RELCH: variants seen among roughly 807,000 people sequenced by gnomAD.
The protein encoded by RELCH is RAB11-binding protein RELCH.
RELCH carries 41 observed loss-of-function variants against 150.3 expected under a neutral mutation model. That is an observed-to-expected ratio of 0.27 (90% CI 0.21 to 0.35). RELCH has a LOEUF of 0.35. RELCH is among the 10% of genes least tolerant of loss of function. The pLI is 1.00. For synonymous variants in RELCH, 478 were observed against 531.8 expected (o/e 0.90, Z 1.39); for missense variants, 1,092 against 1,467.8 (o/e 0.74, Z 4.18).
chr18:62,263,898 G>T, intron 16 of RELCH, 91 bp from the exon 17 acceptor site: 1 of 882,340 alleles, frequency 1.1e-6, no homozygotes, highest in Admixed American at 2.6e-5. Flanking sequence ...TTAAATATGA[G>T]GAGAAAGGAC....
Position 62,280,665 on chromosome 18 carries a change from A to G in RELCH, c.3070A>G (p.Ile1024Val), listed in dbSNP as rs1295674242. 6.2e-7 allele frequency: 1 copy of G among 1,612,012 alleles called. No individual in the cohort carries two copies. Among genetic ancestry groups the G allele is most frequent in the South Asian group, 1.1e-5 (1 of 91,010 alleles). ...TAACAGCTCTGTCAGGATTGCCACA[A>G]TTCCAGCCTTTGGCACTATTATGGA... ...DPEISVRIAT[I>V]PAFGTIMETV... is the part of the protein sequence containing the mutation. Residue 1024 changes from isoleucine to valine, a missense_variant, in exon 24 of 29, where the codon ATT (isoleucine) becomes GTT (valine). By Grantham distance (29) the Ile-to-Val change is conservative (BLOSUM62 3). Coordinates refer to ENST00000644646, the MANE Select transcript of RELCH (RefSeq NM_001346231.2).
Position 62,269,652 on chromosome 18 carries a change from CTT to C in RELCH, c.2760+706_2760+707del, listed in dbSNP as rs138584844. The C allele has an allele frequency of 6.8e-5, 13 of 190,462 alleles. No individual in the cohort carries two copies. In the East Asian group the frequency reaches 1.6e-3, roughly 23 times the overall value. The allele number at this position is 190,462 out of a possible 1,614,324, so 11.8% of individuals were successfully genotyped here. ...TTGGCATCACGATCATCATTCCTGACTTTGCATTTATATGCTACCAATAAGCA... is the reference window on the plus strand; with the variant it reads ...TTGGCATCACGATCATCATTCCTGACTGCATTTATATGCTACCAATAAGCA... On this transcript the variant is annotated intron_variant, in intron 20 of 28. Coordinates refer to ENST00000644646, the MANE Select transcript of RELCH (RefSeq NM_001346231.2).
At chr18:62,300,575 A>T (rs1365560074) in intron 28 of RELCH, 1 of 152,234 alleles carries the variant, frequency 6.6e-6, no homozygotes, top group Admixed American at 6.5e-5. Context: ...GAATACAAAG[A>T]TGTTGCATAT....
At chr18:62,246,715 A>G (rs2042432662) in intron 11 of RELCH, 1 of 152,206 alleles carries the variant, frequency 6.6e-6, no homozygotes, top group Admixed American at 6.5e-5. Context: ...TCAGACAGCC[A>G]TTATTTTTAT....
Position 62,187,975 on chromosome 18 carries a change from G to C in RELCH, c.470G>C (p.Gly157Ala). ...GCGCCAGGGGTCCCTGGAGCAGCCG[G>C]CGTTGGGGGCGCTGGAGGTCGGGAA... ...MGAPGVPGAA[G>A]VGGAGGREPS... The change falls in exon 1 of 29, where the codon GGC becomes GCC. Residue 157 changes from glycine to alanine, a missense_variant. This residue lies in a region of RELCH where 190 missense variants were observed against 276.2 expected (regional missense o/e 0.69). Coordinates refer to ENST00000644646, the MANE Select transcript of RELCH (RefSeq NM_001346231.2). 1 of 1,600,214 alleles carries C rather than the reference G, an allele frequency of 6.2e-7. No individual in the cohort carries two copies. The highest frequency in any genetic ancestry group is 1.1e-5 in the South Asian group (1 of 88,718).
chr18:62,282,154 CTATT>C (rs1292739640), intron 24 of RELCH, 148 bp from the exon 25 acceptor site: 2 of 532,896 alleles, frequency 3.8e-6, no homozygotes, highest in Non-Finnish European at 6.4e-6. Flanking sequence ...GATTAAATAA[CTATT>C]TATTTAATTC....
chr18:62,275,117 A>G (rs914188313), intron 21 of RELCH, among the ~76,000 whole-genome samples: 1 of 152,124 alleles, frequency 6.6e-6, no homozygotes, highest in Non-Finnish European at 1.5e-5. Context: ...GGGTTTCACC[A>G]TGTTGGCCAG....
At chr18:62,236,845 G>A (rs1026591861) in intron 10 of RELCH, among the ~76,000 whole-genome samples, 7 of 151,006 alleles carry the variant, frequency 4.6e-5, no homozygotes, top group Admixed American at 4.6e-4. Context: ...CTTTCCTTCT[G>A]CTGGCCTTGG....
intron 27 of RELCH, 68 bp from the exon 28 acceptor site, chr18:62,298,722 A>ACAT (rs1276076344): frequency 2.4e-5 from 18 of 748,852 alleles, no homozygotes; most frequent in Middle Eastern, 3.5e-4. Flanking sequence ...AAAAATTAAA[A>ACAT]CATTAGATTA....
chr18:62,287,857 C>G (rs934797264), intron 26 of RELCH, among the ~76,000 whole-genome samples: 1 of 152,098 alleles, frequency 6.6e-6, no homozygotes, highest in African/African-American at 2.4e-5. Context: ...GTTTAACTCT[C>G]AGTATCCAGT....
intron 1 of RELCH, among the ~76,000 whole-genome samples, chr18:62,210,199 G>A (rs1326596573): frequency 6.6e-6 from 1 of 151,930 alleles, no homozygotes; most frequent in Non-Finnish European, 1.5e-5. Flanking sequence ...CTAAATTTTT[G>A]GTTTTTCGCT....
At chr18:62,301,768 A>C (rs1268824038) in intron 28 of RELCH, among the ~76,000 whole-genome samples, 1 of 152,204 alleles carries the variant, frequency 6.6e-6, no homozygotes, top group African/African-American at 2.4e-5. Context: ...GGTGGAAGAG[A>C]TGAGAAAGCT....
rs568731577 is a variant in RELCH, at chr18:62,217,712, T to C, written c.617-3325T>C. Among the ~76,000 whole-genome samples, 7 of 152,102 alleles carry C rather than the reference T, an allele frequency of 4.6e-5. No homozygotes were observed. The South Asian group carries it at 8.3e-4, about 18-fold the overall frequency. On this transcript the variant is annotated intron_variant, in intron 2 of 28. Coordinates refer to ENST00000644646, the MANE Select transcript of RELCH (RefSeq NM_001346231.2). ...GAGTCTTCAGAGTACTTGTGAAACT[T>C]AAAACCACCAGAGTGAAAGTCATTC...
In RELCH at chr18:62,254,305, A is replaced by G. The variant is rs113084178; in HGVS notation, c.1825-1102A>G. ...TAATTTGTATTTTTCCGAGTAGTGT[A>G]CGTTTTGCCCTTTTGTTTTATTTAT... On this transcript the variant is annotated intron_variant, in intron 12 of 28. Transcript: ENST00000644646. Among the ~76,000 whole-genome samples, 7 of 152,172 alleles carry G rather than the reference A, an allele frequency of 4.6e-5. 1 individual carries two copies. The highest frequency in any genetic ancestry group is 1.7e-4 in the African/African-American group (7 of 41,550).
intron 1 of RELCH, among the ~76,000 whole-genome samples, chr18:62,202,916 G>T (rs935509931): frequency 5.9e-5 from 9 of 152,106 alleles, no homozygotes; most frequent in Admixed American, 3.9e-4. Flanking sequence ...CCAGAATATT[G>T]GTTGATAAAA....
At chr18:62,213,224 A>T (rs949174448) in intron 2 of RELCH, among the ~76,000 whole-genome samples, 15 of 152,206 alleles carry the variant, frequency 9.9e-5, no homozygotes, top group Middle Eastern at 3.4e-3. Context: ...CTAGTGTTGT[A>T]TAGTTTTATT....
At chr18:62,190,191 A>G (rs988961162) in intron 1 of RELCH, among the ~76,000 whole-genome samples, 1 of 152,222 alleles carries the variant, frequency 6.6e-6, no homozygotes, top group African/African-American at 2.4e-5. Flanking sequence ...TTTAGCATCA[A>G]CTTGGATGTA....
intron 8 of RELCH, among the ~76,000 whole-genome samples, chr18:62,230,493 G>A (rs2148427038): frequency 6.6e-6 from 1 of 152,148 alleles, no homozygotes; most frequent in Admixed American, 6.6e-5. Context: ...AATTTTTGGT[G>A]TTAGCCTTTT....
chr18:62,225,985 A>G (rs1483558847), intron 5 of RELCH, among the ~76,000 whole-genome samples: 1 of 152,010 alleles, frequency 6.6e-6, no homozygotes, highest in East Asian at 1.9e-4. Flanking sequence ...AGAAAGATAC[A>G]AATTTCATAC....
Sources: gnomAD v4.1 joint callset for allele counts (sites outside exome capture counted in the v4.1 genomes callset) on GRCh38, gnomAD v4.1.1 for gene constraint, gnomAD v4.1.1 regional missense constraint, MANE v1.5 for transcripts, NCBI Gene and HGNC (gene_info 2026-07-23, HGNC 2026-07-21) for gene names.